ABHD18: variants seen among roughly 807,000 people sequenced by gnomAD.
The protein encoded by ABHD18 is cardiolipin-specific deacylase, mitochondrial.
In ABHD18, 55 loss-of-function variants were observed where a neutral mutation model predicts 65.9. That is an observed-to-expected ratio of 0.84 (90% CI 0.67 to 1.05). The LOEUF (loss-of-function observed/expected upper bound fraction) is 1.05, where lower values mean the gene tolerates loss of function less well. ABHD18 is among the 50% of genes least tolerant of loss of function. The probability of loss-of-function intolerance (pLI) is 0.00; values close to 1 mark genes in which losing one functional copy is unlikely to be tolerated. For missense variants in ABHD18, 533 were observed against 558.5 expected, an observed-to-expected ratio of 0.95 and a Z score of 0.46; for synonymous variants, 181 against 180.2, an observed-to-expected ratio of 1.00 and a Z score of -0.04.
chr4:128,000,010 CAA>C lies in ABHD18; in HGVS notation c.279-8909_279-8908del, dbSNP rs1431930336. ...AAGGCACATCTCATATGGTGACAAACAAGAGAAGAGAGCCTGTGCAGGGAAAC... is the reference window on the plus strand; with the variant it reads ...AAGGCACATCTCATATGGTGACAAACGAGAAGAGAGCCTGTGCAGGGAAAC... On this transcript the variant is annotated intron_variant, in intron 4 of 12. Transcript: ENST00000645843. Among the ~76,000 whole-genome samples, 3 of 152,202 alleles carry C rather than the reference CAA, an allele frequency of 2.0e-5. No individual in the cohort carries two copies. The East Asian group carries it at 5.8e-4, about 29-fold the overall frequency.
chr4:127,999,654 A>G (rs533025648), intron 4 of ABHD18, among the ~76,000 whole-genome samples: 1 of 152,232 alleles, frequency 6.6e-6, no homozygotes, highest in African/African-American at 2.4e-5. Context: ...TTTTTGTTAA[A>G]TTGTTTAAGT....
chr4:127,978,831 G>A (rs547609937), intron 1 of ABHD18, among the ~76,000 whole-genome samples: 1 of 152,230 alleles, frequency 6.6e-6, no homozygotes, highest in South Asian at 2.1e-4. Context: ...GTTACATCCT[G>A]ATAAACCCCA....
intron 1 of ABHD18, among the ~76,000 whole-genome samples, chr4:127,970,676 T>A (rs1183667178): frequency 6.6e-6 from 1 of 151,626 alleles, no homozygotes; most frequent in Non-Finnish European, 1.5e-5. Context: ...GTGCAGTTGC[T>A]CATGCCTGTA....
At chr4:128,009,788 C>A (rs1754227452) in intron 6 of ABHD18, among the ~76,000 whole-genome samples, 1 of 152,034 alleles carries the variant, frequency 6.6e-6, no homozygotes, top group Non-Finnish European at 1.5e-5. Flanking sequence ...AACATCATAT[C>A]CCTTGACAAA....
intron 4 of ABHD18, among the ~76,000 whole-genome samples, chr4:127,992,333 G>A (rs1474593725): frequency 6.6e-6 from 1 of 152,056 alleles, no homozygotes; most frequent in Admixed American, 6.6e-5. Flanking sequence ...AATTTAGCCA[G>A]GCATGGTGGC....
Position 128,030,540 on chromosome 4 carries a change from T to C in ABHD18, c.1211T>C (p.Val404Ala). The change falls in exon 12 of 13, where the codon GTT becomes GCT. Residue 404 changes from valine (V) to alanine (A), a missense_variant. Val to Ala is a moderately conservative substitution (Grantham distance 64). Around this residue, in one of 3 missense-constraint regions of ABHD18, gnomAD observed 220 missense variants for 226.8 expected, o/e 0.97. Coordinates refer to ENST00000645843, the MANE Select transcript of ABHD18 (RefSeq NM_001358451.3). ...GTTGATCCAAGCCTCATTATAGTGGTTCAAGCCAAAGAAGATGCCTATATT... is the reference window on the plus strand; with the variant it reads ...GTTGATCCAAGCCTCATTATAGTGGCTCAAGCCAAAGAAGATGCCTATATT... The part of the protein sequence containing the change: ...VPVDPSLIIV[V>A]QAKEDAYIPR... 1 of 1,595,934 alleles carries C rather than the reference T, an allele frequency of 6.3e-7. No individual in the cohort carries two copies. The highest frequency in any genetic ancestry group is 1.1e-5 in the South Asian group (1 of 86,982).
intron 12 of ABHD18, among the ~76,000 whole-genome samples, chr4:128,034,424 T>A (rs1435053544): frequency 1.3e-5 from 2 of 151,992 alleles, no homozygotes; most frequent in African/African-American, 4.8e-5. Context: ...GAAAAAAATA[T>A]GAGTGGGGCA....
chr4:127,983,221 A>G (rs756533732), intron 2 of ABHD18, among the ~76,000 whole-genome samples, 174 bp downstream of exon 2: 4 of 152,178 alleles, frequency 2.6e-5, no homozygotes, highest in Non-Finnish European at 4.4e-5. Context: ...TTTCTCTTAA[A>G]TTTTAGCCCA....
intron 3 of ABHD18, among the ~76,000 whole-genome samples, chr4:127,988,138 G>A (rs564985803): frequency 6.6e-6 from 1 of 152,306 alleles, no homozygotes; most frequent in South Asian, 2.1e-4. Flanking sequence ...GATAATAGTA[G>A]CGTTTTAAGT....
At chr4:127,995,631 T>C (rs755530850) in intron 4 of ABHD18, among the ~76,000 whole-genome samples, 37 of 152,182 alleles carry the variant, frequency 2.4e-4, no homozygotes, top group Non-Finnish European at 4.7e-4. Flanking sequence ...TTTATTTTGA[T>C]GGTTTTAACA....
intron 1 of ABHD18, among the ~76,000 whole-genome samples, chr4:127,975,550 T>G (rs2149049645): frequency 6.6e-6 from 1 of 152,338 alleles, no homozygotes; most frequent in Admixed American, 6.5e-5. Flanking sequence ...ATGTACATAC[T>G]TTGCTTATCC....
intron 1 of ABHD18, among the ~76,000 whole-genome samples, chr4:127,969,812 A>G (rs1471809540): frequency 6.6e-6 from 1 of 151,646 alleles, no homozygotes; most frequent in Non-Finnish European, 1.5e-5. Context: ...CAGTGGTGCA[A>G]CGATGTGCAC....
chr4:128,035,460 C>G (rs925137168), intron 12 of ABHD18, among the ~76,000 whole-genome samples: 4 of 152,142 alleles, frequency 2.6e-5, no homozygotes, highest in Non-Finnish European at 5.9e-5. Context: ...GTAATTCTAG[C>G]TACTTGGGAG....
intron 1 of ABHD18, among the ~76,000 whole-genome samples, chr4:127,979,958 G>C (rs896091129): frequency 2.0e-5 from 3 of 149,126 alleles, no homozygotes; most frequent in African/African-American, 7.4e-5. Context: ...ACACAAAGAA[G>C]TGATGAAGAG....
chr4:127,994,729 G>T (rs1751467175), intron 4 of ABHD18, among the ~76,000 whole-genome samples: 2 of 151,976 alleles, frequency 1.3e-5, no homozygotes, highest in Non-Finnish European at 2.9e-5. Context: ...TTTATCTTCT[G>T]GTAAAATATT....
intron 3 of ABHD18, among the ~76,000 whole-genome samples, chr4:127,987,920 G>C (rs1387410820): frequency 2.6e-5 from 4 of 151,894 alleles, no homozygotes; most frequent in African/African-American, 9.7e-5. Flanking sequence ...AAATTATTTT[G>C]AGAAAATACT....
chr4:128,005,800 T>C (rs1753499220), intron 4 of ABHD18, among the ~76,000 whole-genome samples: 1 of 152,188 alleles, frequency 6.6e-6, no homozygotes, highest in Non-Finnish European at 1.5e-5. Context: ...TGGGAAGCCA[T>C]GAAGATCCAA....
chr4:127,974,953 G>A (rs189935387), intron 1 of ABHD18, among the ~76,000 whole-genome samples: 2 of 131,286 alleles, frequency 1.5e-5, no homozygotes, highest in South Asian at 2.4e-4. Context: ...CCGAGATCGC[G>A]CCATTGCACT....
At chr4:128,034,879 C>T (rs1401823735) in intron 12 of ABHD18, among the ~76,000 whole-genome samples, 4 of 151,964 alleles carry the variant, frequency 2.6e-5, no homozygotes, top group African/African-American at 4.8e-5. Context: ...CTCAAACTCC[C>T]GACTTCAGGT....
Sources: allele counts gnomAD v4.1 joint callset (sites outside exome capture counted in the v4.1 genomes callset), GRCh38; gene constraint gnomAD v4.1.1; regional missense constraint gnomAD v4.1.1; transcripts MANE v1.5; gene names NCBI Gene and HGNC (gene_info 2026-07-23, HGNC 2026-07-21).